Variants in RARB observed in about 807,000 individuals in gnomAD.
RARB encodes retinoic acid receptor beta, also known as HBV-activated protein.
A neutral mutation model predicts 51.9 loss-of-function variants in RARB; 17 were observed. The observed-to-expected ratio is 0.33, with a 90% confidence interval of 0.22 to 0.49. The LOEUF (loss-of-function observed/expected upper bound fraction) is 0.49, where lower values mean the gene tolerates loss of function less well. Ranked by LOEUF, RARB falls within the 20% of genes least tolerant of loss-of-function variation. RARB has a pLI of 0.99. For missense variants in RARB, 369 were observed against 550.8 expected, an observed-to-expected ratio of 0.67 and a Z score of 3.30; for synonymous variants, 215 against 195.4, an observed-to-expected ratio of 1.10 and a Z score of -0.84.
chr3:24,889,730 T>TA (rs1294288373), intron 2 of RARB, among the ~76,000 whole-genome samples: 1 of 141,202 alleles, frequency 7.1e-6, no homozygotes, highest in Non-Finnish European at 1.5e-5. Flanking sequence ...GTATCTGCAG[T>TA]AAGGGCACAA....
In RARB at chr3:24,994,170, A is replaced by C. The variant is rs146563630; in HGVS notation, c.-379-65955A>C. 8.5e-5 allele frequency among the ~76,000 whole-genome samples: 13 copies of C among 152,048 alleles called. No individual in the cohort carries two copies. The East Asian group carries it at 2.1e-3, about 25-fold the overall frequency. ...ATCCACATCCTCACCAGCATTTGTT[A>C]TTTTTTGTCTTTTTAATAATAGCCA... On this transcript the variant is annotated intron_variant, in intron 2 of 11. Coordinates refer to the RARB transcript ENST00000383772.
At chr3:24,980,290 G>T (rs878917976) in intron 2 of RARB, among the ~76,000 whole-genome samples, 1 of 152,096 alleles carries the variant, frequency 6.6e-6, no homozygotes, top group Non-Finnish European at 1.5e-5. Flanking sequence ...GGTGTTCTCT[G>T]TATTTCCTGA....
chr3:25,418,174 G>GGC (rs1375345839), intron 5 of RARB, among the ~76,000 whole-genome samples: 5 of 152,172 alleles, frequency 3.3e-5, no homozygotes, highest in African/African-American at 1.2e-4. Context: ...CTATCTGGAT[G>GGC]GCGATATGCT....
chr3:24,928,238 C>T (rs543657768), intron 2 of RARB, among the ~76,000 whole-genome samples: 218 of 151,894 alleles, frequency 1.4e-3, no homozygotes, highest in Non-Finnish European at 2.2e-3. Context: ...GGTTCATTCA[C>T]CCCTTATAAA....
chr3:25,374,099 G>C (rs1575352305), intron 5 of RARB, among the ~76,000 whole-genome samples: 1 of 152,184 alleles, frequency 6.6e-6, no homozygotes. Flanking sequence ...AGGCCCAAGA[G>C]TCATGAGCAG....
chr3:25,423,048 C>T (rs1313635135), intron 5 of RARB, among the ~76,000 whole-genome samples: 2 of 152,204 alleles, frequency 1.3e-5, no homozygotes, highest in African/African-American at 4.8e-5. Flanking sequence ...GCAACAGAGA[C>T]TGTATAGCCT....
intron 2 of RARB, among the ~76,000 whole-genome samples, chr3:24,954,625 C>A (rs560523480): frequency 6.6e-6 from 1 of 152,206 alleles, no homozygotes; most frequent in East Asian, 1.9e-4. Context: ...TATTTAGGTT[C>A]ACCCCATTAC....
intron 2 of RARB, among the ~76,000 whole-genome samples, chr3:24,954,078 A>G (rs1270346763): frequency 6.6e-6 from 1 of 151,280 alleles, no homozygotes. Context: ...TCTTTTTCCC[A>G]TATGTGTCTG....
chr3:24,979,867 A>T (rs930725738), intron 2 of RARB, among the ~76,000 whole-genome samples: 1 of 152,158 alleles, frequency 6.6e-6, no homozygotes, highest in Non-Finnish European at 1.5e-5. Context: ...TCTTCATAGC[A>T]TCAATGGTCT....
rs144362887 is a variant in RARB at position 24,951,178 on chromosome 3, A to AG, written c.-380+92430dup. Among the ~76,000 whole-genome samples the AG allele has an allele frequency of 1.9e-3, 296 of 152,290 alleles. 1 individual carries two copies. Among genetic ancestry groups the AG allele is most frequent in the African/African-American group, 6.3e-3 (261 of 41,562 alleles). ...ATGTGCACACTCTTACCACTCAAGG[A>AG]GGGGTGGTTGCATTTCCAACCAGGC... On this transcript the variant is annotated intron_variant, in intron 2 of 11. Transcript: ENST00000383772.
intron 2 of RARB, chr3:25,462,227 T>G (rs1695222993): frequency 6.6e-6 from 1 of 152,254 alleles, no homozygotes. Context: ...GAGTAGTATA[T>G]GGCTGCTTTG....
intron 5 of RARB, among the ~76,000 whole-genome samples, chr3:25,393,793 C>A (rs1482614177): frequency 1.3e-5 from 2 of 151,972 alleles, no homozygotes; most frequent in East Asian, 1.9e-4. Flanking sequence ...TTATTTGGAT[C>A]TTCTCTCTTC....
chr3:25,482,521 ATTTTTTTTTTTTTTTTTT>A lies in RARB; in HGVS notation c.307-18642_307-18625del, dbSNP rs71087718. Among the ~76,000 whole-genome samples the A allele has an allele frequency of 2.1e-4, 14 of 65,754 alleles. 1 individual carries two copies. The highest frequency in any genetic ancestry group is 5.6e-4 in the African/African-American group (8 of 14,264). 43.1% of individuals were successfully genotyped at this position (65,754 alleles called of 152,430 possible). A position where few individuals can be genotyped will look rare whatever the true frequency, so the allele number is the denominator to read the frequency against. ...TAACTTTAAATTTTCTAGCAGCCAA[ATTTTTTTTTTTTTTTTTT>A]TTTTTTTTTTTTTTTTTTGAGACGG... is the stretch of plus-strand genomic sequence containing the variant. On this transcript the variant is annotated intron_variant, in intron 2 of 7. Transcript: ENST00000330688.
intron 2 of RARB, among the ~76,000 whole-genome samples, chr3:24,879,046 T>C (rs979214505): frequency 6.6e-6 from 1 of 152,206 alleles, no homozygotes; most frequent in Admixed American, 6.5e-5. Context: ...TCACACCTAC[T>C]TTTCTTTTAT....
intron 5 of RARB, among the ~76,000 whole-genome samples, chr3:25,185,778 T>C (rs1369984724): frequency 1.3e-5 from 2 of 152,182 alleles, no homozygotes; most frequent in African/African-American, 4.8e-5. Context: ...TTTCATTTTT[T>C]CTTCTATAAG....
chr3:25,022,849 C>G (rs892661315), intron 2 of RARB, among the ~76,000 whole-genome samples: 1 of 152,130 alleles, frequency 6.6e-6, no homozygotes, highest in Non-Finnish European at 1.5e-5. Context: ...GTGGCTGAAA[C>G]AGGAGTGGAC....
intron 3 of RARB, among the ~76,000 whole-genome samples, chr3:25,091,284 A>G (rs567528893): frequency 6.6e-6 from 1 of 152,284 alleles, no homozygotes; most frequent in South Asian, 2.1e-4. Flanking sequence ...TCGAAGATAC[A>G]CATCTCTTTA....
At chr3:25,233,217 C>A (rs915211094) in intron 5 of RARB, among the ~76,000 whole-genome samples, 1 of 151,924 alleles carries the variant, frequency 6.6e-6, no homozygotes, top group Non-Finnish European at 1.5e-5. Context: ...CCTCAGCCCC[C>A]AAAAGTGCTA....
rs536041392 is a variant in RARB at position 24,921,840 on chromosome 3, T to G, written c.-380+63088T>G. The stretch of plus-strand genomic sequence containing the variant: ...ATCCAATGCAGCAATTCTTAGATGA[T>G]GCAGAATCCTAAGAAATTATACATT... On this transcript the variant is annotated intron_variant, in intron 2 of 11. Coordinates refer to the RARB transcript ENST00000383772. Among the ~76,000 whole-genome samples, 12 of 152,366 alleles carry G rather than the reference T, an allele frequency of 7.9e-5. No homozygotes were observed. The South Asian group carries it at 8.3e-4, about 11-fold the overall frequency.
Sources: gnomAD v4.1 joint callset for allele counts (sites outside exome capture counted in the v4.1 genomes callset) on GRCh38, gnomAD v4.1.1 for gene constraint, MANE v1.5 for transcripts, NCBI Gene and HGNC (gene_info 2026-07-23, HGNC 2026-07-21) for gene names.